The following CCDC148 variants were observed in gnomAD, a reference collection of about 807,000 sequenced individuals.
CCDC148 encodes coiled-coil domain-containing protein 148.
A neutral mutation model predicts 85.7 loss-of-function variants in CCDC148; 89 were observed. The observed-to-expected ratio is 1.04, with a 90% CI of 0.87 to 1.24. The LOEUF (loss-of-function observed/expected upper bound fraction) is 1.24. CCDC148 is among the 50% of genes most tolerant of loss of function. The probability of loss-of-function intolerance (pLI) is 0.00; values close to 1 mark genes in which losing one functional copy is unlikely to be tolerated. For synonymous variants in CCDC148, 230 were observed against 213.9 expected, an observed-to-expected ratio of 1.08 and a Z score of -0.66; for missense variants, 692 against 671.7, an observed-to-expected ratio of 1.03 and a Z score of -0.33.
At chr2:158,401,503 A>C (rs1025768214) in intron 1 of CCDC148, among the ~76,000 whole-genome samples, 1 of 152,086 alleles carries the variant, frequency 6.6e-6, no homozygotes, top group Non-Finnish European at 1.5e-5. Context: ...ATGAGAACAC[A>C]TGGACACAGG....
At chr2:158,339,396 T>G (rs1454414391) in intron 5 of CCDC148, among the ~76,000 whole-genome samples, 1 of 152,196 alleles carries the variant, frequency 6.6e-6, no homozygotes, top group Non-Finnish European at 1.5e-5. Flanking sequence ...CACCCCTTCC[T>G]TCCCTTGCAT....
At chr2:158,375,288 T>C (rs1684607601) in intron 1 of CCDC148, among the ~76,000 whole-genome samples, 1 of 152,250 alleles carries the variant, frequency 6.6e-6, no homozygotes, top group East Asian at 1.9e-4. Context: ...TTTAATTTTG[T>C]ATATAATGAA....
chr2:158,339,010 G>A lies in CCDC148; in HGVS notation c.562C>T (p.Leu188Phe). Residue 188 changes from leucine (L) to phenylalanine (F), a missense_variant, in exon 6 of 14, where the codon CTT (leucine) becomes TTT (phenylalanine). By Grantham distance (22) the Leu-to-Phe change is conservative (BLOSUM62 0). Transcript: ENST00000283233. ...RLEQQRIEND[L>F]SDWSIKILDH... ...CTTACCTTTATACTCCAGTCTGAAA[G>A]ATCATTTTCTATTCTCTGTTGCTCC... is the stretch of plus-strand genomic sequence containing the variant. 1.9e-6 allele frequency: 3 copies of A among 1,613,570 alleles called. No individual in the cohort carries two copies. Among genetic ancestry groups the A allele is most frequent in the Non-Finnish European group, 2.5e-6 (3 of 1,179,622 alleles).
At chr2:158,214,121 T>TAAAAAAAAA (rs70990697) in intron 11 of CCDC148, among the ~76,000 whole-genome samples, 1 of 96,628 alleles carries the variant, frequency 1.0e-5, no homozygotes, top group Non-Finnish European at 2.0e-5. Context: ...AACATTGTGG[T>TAAAAAAAAA]AAAAAAAAAA....
At chr2:158,306,390 G>T (rs1691687603) in intron 9 of CCDC148, among the ~76,000 whole-genome samples, 1 of 151,996 alleles carries the variant, frequency 6.6e-6, no homozygotes, top group African/African-American at 2.4e-5. Flanking sequence ...TATGTTTATT[G>T]CAGCACTATT....
intron 10 of CCDC148, among the ~76,000 whole-genome samples, chr2:158,240,960 A>G (rs1442518848): frequency 6.6e-6 from 1 of 152,198 alleles, no homozygotes; most frequent in Non-Finnish European, 1.5e-5. Flanking sequence ...GAGTATTCAC[A>G]CTAGGAAGCA....
chr2:158,228,839 T>G, intron 10 of CCDC148, among the ~76,000 whole-genome samples: 2 of 150,620 alleles, frequency 1.3e-5, no homozygotes, highest in African/African-American at 2.4e-5. Context: ...GGGATAGTAT[T>G]TGGAGATATA....
At chr2:158,443,670 A>C (rs1426419908) in intron 1 of CCDC148, among the ~76,000 whole-genome samples, 1 of 152,160 alleles carries the variant, frequency 6.6e-6, no homozygotes, top group Non-Finnish European at 1.5e-5. Context: ...AATAAAAAAA[A>C]TCAAAATATA....
rs58986424 is a variant in CCDC148 at position 158,437,047 on chromosome 2, T to C, written c.25+19368A>G. On this transcript the variant is annotated intron_variant, in intron 1 of 13. Transcript: ENST00000283233. ...ATTCACAGACAAATTCTAGCAGAGG[T>C]AGAATGAGGAGCTGGTACCATTCCT... Among the ~76,000 whole-genome samples, 229 of 152,176 alleles carry C rather than the reference T, an allele frequency of 1.5e-3. 1 individual carries two copies. The highest frequency in any genetic ancestry group is 5.2e-3 in the African/African-American group (214 of 41,502).
intron 1 of CCDC148, among the ~76,000 whole-genome samples, chr2:158,400,052 A>T (rs1288247805): frequency 6.6e-6 from 1 of 151,932 alleles, no homozygotes; most frequent in East Asian, 1.9e-4. Context: ...ATAAAAGAGG[A>T]CACAAAGGAC....
chr2:158,300,710 T>C (rs1340959175), intron 9 of CCDC148, among the ~76,000 whole-genome samples: 6 of 152,152 alleles, frequency 3.9e-5, no homozygotes, highest in South Asian at 2.1e-4. Context: ...TAAATTGTAA[T>C]GTGTAAAATG....
intron 7 of CCDC148, among the ~76,000 whole-genome samples, chr2:158,323,176 G>T (rs1157086755): frequency 6.6e-6 from 1 of 152,176 alleles, no homozygotes; most frequent in East Asian, 1.9e-4. Flanking sequence ...ATGTGTTTCA[G>T]TAAAAGAGAT....
chr2:158,234,346 A>C (rs1559005645), intron 10 of CCDC148, among the ~76,000 whole-genome samples: 1 of 152,200 alleles, frequency 6.6e-6, no homozygotes, highest in Non-Finnish European at 1.5e-5. Flanking sequence ...ATCTCCTTTC[A>C]GTCTGCAATT....
At chr2:158,406,888 G>T (rs1686050244) in intron 1 of CCDC148, among the ~76,000 whole-genome samples, 1 of 152,004 alleles carries the variant, frequency 6.6e-6, no homozygotes, top group African/African-American at 2.4e-5. Flanking sequence ...CTCTCAAAGT[G>T]CAGGGATTAC....
intron 9 of CCDC148, among the ~76,000 whole-genome samples, chr2:158,258,251 T>A (rs1173188864): frequency 4.6e-5 from 7 of 151,876 alleles, no homozygotes; most frequent in Non-Finnish European, 8.8e-5. Flanking sequence ...TAAGTCACAG[T>A]CAAAGAAGCT....
At chr2:158,290,265 C>G (rs1013572303) in intron 9 of CCDC148, among the ~76,000 whole-genome samples, 15 of 152,136 alleles carry the variant, frequency 9.9e-5, no homozygotes, top group African/African-American at 3.1e-4. Context: ...CAGGGATACC[C>G]CACCACTCAG....
intron 1 of CCDC148, among the ~76,000 whole-genome samples, chr2:158,437,494 A>G (rs1444652665): frequency 1.3e-5 from 2 of 152,220 alleles, no homozygotes; most frequent in African/African-American, 2.4e-5. Flanking sequence ...AATAAGAACT[A>G]TCTATGACAA....
chr2:158,372,855 T>G (rs905419714), intron 1 of CCDC148, among the ~76,000 whole-genome samples: 10 of 151,982 alleles, frequency 6.6e-5, no homozygotes, highest in Non-Finnish European at 7.4e-5. Context: ...ATTACCTTAT[T>G]TGTACTTTAC....
chr2:158,303,560 T>C (rs1236046944), intron 9 of CCDC148, among the ~76,000 whole-genome samples: 1 of 152,226 alleles, frequency 6.6e-6, no homozygotes, highest in Admixed American at 6.5e-5. Context: ...TATTTTCTTT[T>C]ATGATATCAT....
Sources: gnomAD v4.1 joint callset for allele counts (sites outside exome capture counted in the v4.1 genomes callset) on GRCh38, gnomAD v4.1.1 for gene constraint, MANE v1.5 for transcripts, NCBI Gene and HGNC (gene_info 2026-07-23, HGNC 2026-07-21) for gene names.